The following TEX11 variants were observed in gnomAD, a reference collection of about 807,000 sequenced individuals.
TEX11 encodes the protein testis-expressed protein 11.
Under a neutral mutation model 84.4 loss-of-function variants are expected in TEX11, and 7 were observed. The observed-to-expected ratio is 0.08, with a 90% CI of 0.05 to 0.16. The LOEUF (loss-of-function observed/expected upper bound fraction) is 0.16, where lower values mean the gene tolerates loss of function less well. Ranked by LOEUF, TEX11 falls within the 10% of genes least tolerant of loss-of-function variation. The probability of loss-of-function intolerance (pLI) is 1.00; values close to 1 mark genes in which losing one functional copy is unlikely to be tolerated. For synonymous variants in TEX11, 264 were observed against 222.8 expected (o/e 1.18, Z -1.64); for missense variants, 551 against 660.5 (o/e 0.83, Z 1.82).
At chrX:70,769,290 C>T (rs2090958412) in intron 9 of TEX11, among the ~76,000 whole-genome samples, 1 of 111,197 alleles carries the variant, frequency 9.0e-6, no homozygotes, top group Admixed American at 9.6e-5. Flanking sequence ...AAAGTTTATG[C>T]TTTCAATATA....
chrX:70,706,606 C>A (rs1433826795), intron 13 of TEX11, among the ~76,000 whole-genome samples: 1 of 110,907 alleles, frequency 9.0e-6, no homozygotes, highest in Non-Finnish European at 1.9e-5. Flanking sequence ...TAAAAATATT[C>A]TGTGATTGTA....
chrX:70,722,488 T>A lies in TEX11; in HGVS notation c.1004+130A>T, dbSNP rs778787612. Reference sequence around the variant, plus strand: ...TGGGGTCTTGCTATATTGCCAAGGTTGGTCTCAAGCTCCTGGGCTCAAGGG... The same window carrying A: ...TGGGGTCTTGCTATATTGCCAAGGTAGGTCTCAAGCTCCTGGGCTCAAGGG... On this transcript the variant is annotated intron_variant, in intron 13 of 29. Transcript: ENST00000374333. 198 of 464,795 alleles carry A rather than the reference T, an allele frequency of 4.3e-4. 1 individual carries two copies. The highest frequency in any genetic ancestry group is 1.1e-3 in the Middle Eastern group (3 of 2,751). 38.3% of individuals were successfully genotyped at this position (464,795 alleles called of 1,213,427 possible).
chrX:70,668,978 C>T (rs771065725), intron 16 of TEX11, among the ~76,000 whole-genome samples: 1 of 111,999 alleles, frequency 8.9e-6, no homozygotes, highest in East Asian at 2.8e-4. Context: ...AAACCCTGTT[C>T]CCTGCTGTTA....
chrX:70,829,480 TCAAAAAAAAA>T (rs1167980747), intron 8 of TEX11, among the ~76,000 whole-genome samples: 128 of 23,720 alleles, frequency 5.4e-3, no homozygotes, highest in Middle Eastern at 0.023. Flanking sequence ...ACATTCCGTC[TCAAAAAAAAA>T]AAAAAAAAAA....
At chrX:70,601,520 A>G (rs1195817568) in intron 24 of TEX11, among the ~76,000 whole-genome samples, 4 of 88,783 alleles carry the variant, frequency 4.5e-5, no homozygotes, top group Non-Finnish European at 6.5e-5. Context: ...TCATTTTATG[A>G]GGCCAGCATC....
In TEX11 at chrX:70,566,099, C is replaced by T. The variant is rs764410462; in HGVS notation, c.2141-11299G>A. 2.9e-3 allele frequency among the ~76,000 whole-genome samples: 308 copies of T among 107,573 alleles called. 2 individuals carry two copies. Among genetic ancestry groups the T allele is most frequent in the Non-Finnish European group, 4.9e-3 (257 of 52,181 alleles). The allele number at this position is 107,573 out of a possible 115,157, so 93.4% of individuals were successfully genotyped here. A position where few individuals can be genotyped will look rare whatever the true frequency, so the allele number is the denominator to read the frequency against. ...TTTCCTTGAGCAGTGGTTTGTAGTT[C>T]TCCTTGAAGAGGTCCTTCACATCCC... On this transcript the variant is annotated intron_variant, in intron 25 of 29. Transcript: ENST00000374333.
intron 25 of TEX11, among the ~76,000 whole-genome samples, chrX:70,578,656 T>C (rs888083201): frequency 1.8e-5 from 2 of 110,633 alleles, no homozygotes; most frequent in African/African-American, 6.6e-5. Flanking sequence ...ATAAGTTATA[T>C]CATAAAGTTT....
chrX:70,700,770 C>T lies in TEX11; in HGVS notation c.1005-17945G>A, dbSNP rs147543858. Among the ~76,000 whole-genome samples, 182 of 112,091 alleles carry T rather than the reference C, an allele frequency of 1.6e-3. 1 individual carries two copies. The highest frequency in any genetic ancestry group is 1.5e-3 in the Non-Finnish European group (79 of 53,199). ...CCTCTTGTGCCAAACAGCCAAATTG[C>T]GACTGCAAACAAAAAGTTCTTGAAG... On this transcript the variant is annotated intron_variant, in intron 13 of 29. Transcript: ENST00000374333.
At chrX:70,535,770 T>TGG (rs1317475277) in intron 28 of TEX11, among the ~76,000 whole-genome samples, 3 of 107,583 alleles carry the variant, frequency 2.8e-5, no homozygotes, top group African/African-American at 1.0e-4. Context: ...ACAAAACTTA[T>TGG]GGGTTTTTTT....
At chrX:70,747,612 T>A (rs2090777158) in intron 9 of TEX11, among the ~76,000 whole-genome samples, 1 of 112,001 alleles carries the variant, frequency 8.9e-6, no homozygotes, top group African/African-American at 3.2e-5. Context: ...ATGTTGCACT[T>A]AATAGAAAAA....
chrX:70,603,670 A>C (rs973240863), intron 24 of TEX11, among the ~76,000 whole-genome samples: 13 of 111,789 alleles, frequency 1.2e-4, no homozygotes, highest in Admixed American at 1.9e-4. Flanking sequence ...AAACACCAAA[A>C]GCAGTGGCAA....
chrX:70,630,928 G>T (rs1337002825), intron 17 of TEX11, among the ~76,000 whole-genome samples: 4 of 112,107 alleles, frequency 3.6e-5, no homozygotes. Context: ...GCAATAAAAG[G>T]TTATTTCAAG....
chrX:70,538,486 G>T (rs1246551955), intron 28 of TEX11, among the ~76,000 whole-genome samples: 2 of 110,980 alleles, frequency 1.8e-5, no homozygotes, highest in African/African-American at 6.5e-5. Flanking sequence ...GGCTTGGAAG[G>T]AGGAAGATTT....
chrX:70,526,905 G>C (rs774599076), downstream of TEX11, among the ~76,000 whole-genome samples: 1 of 111,566 alleles, frequency 9.0e-6, no homozygotes, highest in African/African-American at 3.3e-5. Context: ...AAGAATGATG[G>C]GGACATGTCA....
At chrX:70,805,647 C>G (rs946133676) in intron 9 of TEX11, among the ~76,000 whole-genome samples, 2 of 112,005 alleles carry the variant, frequency 1.8e-5, no homozygotes, top group African/African-American at 6.5e-5. Context: ...GTGATCTGCC[C>G]ACCTTGGCCT....
chrX:70,610,454 G>T, intron 21 of TEX11, 49 bp downstream of exon 21: 3 of 1,128,248 alleles, frequency 2.7e-6, no homozygotes, highest in Non-Finnish European at 2.4e-6. Flanking sequence ...GAATTCAACA[G>T]AGAATAGAGG....
chrX:70,862,180 G>A (rs760366101), intron 4 of TEX11, among the ~76,000 whole-genome samples: 39 of 111,491 alleles, frequency 3.5e-4, no homozygotes, highest in Admixed American at 1.7e-3. Context: ...TTCTGTAGAT[G>A]TCATAACAGT....
intron 13 of TEX11, among the ~76,000 whole-genome samples, chrX:70,716,639 A>G (rs896361504): frequency 2.7e-5 from 3 of 112,339 alleles, no homozygotes; most frequent in African/African-American, 3.2e-5. Flanking sequence ...ACCATTGGAA[A>G]AGCGCAGTAT....
intron 25 of TEX11, among the ~76,000 whole-genome samples, chrX:70,556,050 G>A (rs993172712): frequency 2.7e-5 from 3 of 110,628 alleles, no homozygotes; most frequent in East Asian, 2.8e-4. Flanking sequence ...CATTTGTATT[G>A]GTCTTTTCAA....
Sources: allele counts gnomAD v4.1 joint callset (sites outside exome capture counted in the v4.1 genomes callset), GRCh38; gene constraint gnomAD v4.1.1; transcripts MANE v1.5; gene names NCBI Gene and HGNC (gene_info 2026-07-23, HGNC 2026-07-21).